The following BAZ2B variants were observed in gnomAD, a reference collection of about 807,000 sequenced individuals.
BAZ2B encodes the protein bromodomain adjacent to zinc finger domain protein 2B.
In BAZ2B, 91 loss-of-function variants were observed where a neutral mutation model predicts 246.0. The observed-to-expected ratio is 0.37, with a 90% CI of 0.31 to 0.44. The LOEUF (loss-of-function observed/expected upper bound fraction) is 0.44. BAZ2B is among the 20% of genes least tolerant of loss of function. BAZ2B has a pLI of 1.00. For missense variants in BAZ2B, 2,332 were observed against 2,533.7 expected (o/e 0.92, Z 1.71); for synonymous variants, 855 against 860.0 (o/e 0.99, Z 0.10).
intron 1 of BAZ2B, among the ~76,000 whole-genome samples, chr2:159,600,464 A>G (rs1357854636): frequency 3.9e-5 from 6 of 152,194 alleles, no homozygotes; most frequent in African/African-American, 1.4e-4. Context: ...CTCAACTTCC[A>G]ATTGCAAGAG....
chr2:159,382,664 G>T lies in BAZ2B; in HGVS notation c.3900C>A (p.Asp1300Glu). The T allele has an allele frequency of 1.2e-6, 2 of 1,603,062 alleles. No homozygotes were observed. Among genetic ancestry groups the T allele is most frequent in the Non-Finnish European group, 1.7e-6 (2 of 1,173,702 alleles). Residue 1300 changes from aspartate to glutamate, a missense_variant, in exon 25 of 37, where the codon GAC becomes GAA. This residue lies in a region of BAZ2B where 676 missense variants were observed against 668.6 expected (regional missense o/e 1.01). Transcript: ENST00000392783. ...RRRKGGDSDYDDDDDDDSDDQ... is the reference protein window; with the variant it reads ...RRRKGGDSDYEDDDDDDSDDQ... ...CATCACTGTCATCGTCATCATCATC[G>T]TCATAATCACTGTCTCCTCCCTTCC...
At chr2:159,317,324 A>T (rs1245430944), downstream of BAZ2B, among the ~76,000 whole-genome samples, 1 of 152,248 alleles carries the variant, frequency 6.6e-6, no homozygotes, top group African/African-American at 2.4e-5. Context: ...CTAAAGACAG[A>T]TTAGATCCTT....
intron 1 of BAZ2B, among the ~76,000 whole-genome samples, chr2:159,588,958 G>C (rs1688679207): frequency 6.6e-6 from 1 of 152,170 alleles, no homozygotes; most frequent in South Asian, 2.1e-4. Flanking sequence ...GCAGGCTGAA[G>C]CAGTAAGGAC....
the BAZ2B span, among the ~76,000 whole-genome samples, chr2:159,657,979 C>T: frequency 1.3e-5 from 2 of 152,110 alleles, no homozygotes; most frequent in African/African-American, 4.8e-5. Context: ...CGAATGGGAG[C>T]GGTGAAAGTG....
At chr2:159,702,450 C>T in the BAZ2B span, among the ~76,000 whole-genome samples, 1 of 152,116 alleles carries the variant, frequency 6.6e-6, no homozygotes. Context: ...TTTAATGCTA[C>T]TATTTAATTA....
In BAZ2B at chr2:159,349,942, G is replaced by A. The variant is rs201952468; in HGVS notation, c.4629C>T (p.Leu1543=). 1.8e-4 allele frequency: 286 copies of A among 1,614,068 alleles called. No individual in the cohort carries two copies. Among genetic ancestry groups the A allele is most frequent in the Admixed American group, 2.2e-4 (13 of 60,008 alleles). ...SSGPGKFYSP[L]PNDQLLKTLT... The stretch of plus-strand genomic sequence containing the variant: ...GCGTTTTTAGTAACTGGTCATTGGG[G>A]AGAGGACTGTAGAACTTCCCTGGAC... Residue 1543 remains leucine, a synonymous_variant, in exon 28 of 37, where the codon CTC becomes CTT. Transcript: ENST00000392783.
At chr2:159,418,279 A>G (rs572670784) in intron 13 of BAZ2B, among the ~76,000 whole-genome samples, 1 of 152,240 alleles carries the variant, frequency 6.6e-6, no homozygotes, top group Admixed American at 6.5e-5. Flanking sequence ...GAAATTCAAA[A>G]GAGATCATGA....
At chr2:159,474,633 T>C (rs1428290443) in intron 3 of BAZ2B, among the ~76,000 whole-genome samples, 1 of 152,216 alleles carries the variant, frequency 6.6e-6, no homozygotes, top group East Asian at 1.9e-4. Context: ...TGTTAGTTGG[T>C]GCAGTTTCTT....
rs765028566 is a variant in BAZ2B at position 159,332,555 on chromosome 2, T to C, written c.5928A>G (p.Pro1976=). ...TTGGTCTTACCTTAGCAATGCAAGC[T>C]GGACAAAACCAGTCTCCATCTGGGA... is the stretch of plus-strand genomic sequence containing the variant. ...TTIPDGDWFC[P]ACIAKASGQT... Residue 1976 remains proline (P), a synonymous_variant, in exon 34 of 37, where the codon CCA becomes CCG. Transcript: ENST00000392783. 23 of 1,613,520 alleles carry C rather than the reference T, an allele frequency of 1.4e-5. No homozygotes were observed. Among genetic ancestry groups the C allele is most frequent in the Non-Finnish European group, 1.9e-5 (22 of 1,179,812 alleles).
intron 24 of BAZ2B, 26 bp from the exon 25 acceptor site, chr2:159,382,828 C>T: frequency 1.3e-6 from 2 of 1,591,226 alleles, no homozygotes; most frequent in Non-Finnish European, 8.5e-7. Flanking sequence ...AAAGTGATGA[C>T]AAGGAAAAAA....
At chr2:159,676,356 T>C in the BAZ2B span, among the ~76,000 whole-genome samples, 2 of 152,182 alleles carry the variant, frequency 1.3e-5, no homozygotes, top group African/African-American at 4.8e-5. Flanking sequence ...CTGAATAAGA[T>C]ATCTTGTAAA....
chr2:159,383,151 C>T (rs531886091), intron 24 of BAZ2B, among the ~76,000 whole-genome samples: 3 of 152,172 alleles, frequency 2.0e-5, no homozygotes, highest in South Asian at 2.1e-4. Flanking sequence ...AGAAACTAAC[C>T]TCTTAACATA....
intron 33 of BAZ2B, among the ~76,000 whole-genome samples, chr2:159,335,912 G>T (rs1438630869): frequency 1.3e-5 from 2 of 152,202 alleles, no homozygotes; most frequent in South Asian, 4.1e-4. Flanking sequence ...TGTAATCCTA[G>T]CACTTTGGGA....
intron 1 of BAZ2B, among the ~76,000 whole-genome samples, chr2:159,582,445 C>G (rs1236931612): frequency 6.6e-6 from 1 of 152,178 alleles, no homozygotes; most frequent in Non-Finnish European, 1.5e-5. Flanking sequence ...GTAGCTCACG[C>G]TGGAGTGGTG....
At chr2:159,543,961 A>T (rs1430235172) in intron 2 of BAZ2B, among the ~76,000 whole-genome samples, 3 of 152,216 alleles carry the variant, frequency 2.0e-5, no homozygotes, top group Non-Finnish European at 4.4e-5. Context: ...ATATGACTCA[A>T]GTCTCTTTTA....
intron 23 of BAZ2B, 133 bp downstream of exon 23, chr2:159,385,022 G>C (rs1476628902): frequency 7.6e-6 from 7 of 926,334 alleles, no homozygotes; most frequent in Non-Finnish European, 1.1e-5. Context: ...TAAATACTGA[G>C]ATAAGTACAA....
chr2:159,642,238 C>CTTTCT, the BAZ2B span, among the ~76,000 whole-genome samples: 2 of 131,728 alleles, frequency 1.5e-5, no homozygotes, highest in Non-Finnish European at 3.2e-5. Flanking sequence ...TTCTTTCTTT[C>CTTTCT]TTTTTTTTTT....
At chr2:159,501,405 C>T (rs537665828) in intron 2 of BAZ2B, among the ~76,000 whole-genome samples, 4 of 147,634 alleles carry the variant, frequency 2.7e-5, no homozygotes, top group African/African-American at 1.0e-4. Flanking sequence ...AATTCATATG[C>T]TGTACACATA....
In BAZ2B at chr2:159,341,237, A is replaced by T. The variant is rs542272509; in HGVS notation, c.5455-3465T>A. Among the ~76,000 whole-genome samples the T allele has an allele frequency of 4.3e-5, 6 of 139,092 alleles. No individual in the cohort carries two copies. The South Asian group carries it at 1.6e-3, about 37-fold the overall frequency. 91.2% of individuals were successfully genotyped at this position (139,092 alleles called of 152,430 possible). A position where few individuals can be genotyped will look rare whatever the true frequency, so the allele number is the denominator to read the frequency against. The stretch of plus-strand genomic sequence containing the variant: ...GGAATAGTTATACTTATGTCAGATA[A>T]AAAAAACAAACAAACAAACTTCAAG... On this transcript the variant is annotated intron_variant, in intron 31 of 36. Coordinates refer to ENST00000392783, the MANE Select transcript of BAZ2B (RefSeq NM_013450.4).
Sources: allele counts gnomAD v4.1 joint callset (sites outside exome capture counted in the v4.1 genomes callset), GRCh38; gene constraint gnomAD v4.1.1; regional missense constraint gnomAD v4.1.1; transcripts MANE v1.5; gene names NCBI Gene and HGNC (gene_info 2026-07-23, HGNC 2026-07-21).